AAGAB: variants seen among roughly 807,000 people sequenced by gnomAD.
The protein encoded by AAGAB is alpha- and gamma-adaptin-binding protein p34.
In AAGAB, 38 loss-of-function variants were observed where a neutral mutation model predicts 44.1. The ratio of observed to expected loss-of-function variants is 0.86; its 90% CI spans 0.67 to 1.13. The LOEUF (loss-of-function observed/expected upper bound fraction) is 1.13, where lower values mean the gene tolerates loss of function less well. AAGAB is among the 50% of genes most tolerant of loss of function. The pLI, the probability that AAGAB is intolerant of heterozygous loss-of-function variation, is 0.00. For synonymous variants in AAGAB, 131 were observed against 131.8 expected (o/e 0.99, Z 0.04); for missense variants, 450 against 373.8 (o/e 1.20, Z -1.68).
intron 7 of AAGAB, among the ~76,000 whole-genome samples, chr15:67,207,967 C>G (rs1404349920): frequency 1.3e-5 from 2 of 152,244 alleles, no homozygotes; most frequent in South Asian, 2.1e-4. Context: ...CCGTCTGTAG[C>G]ATAAAGATAA....
intron 5 of AAGAB, among the ~76,000 whole-genome samples, chr15:67,210,346 C>G (rs555957700): frequency 5.2e-4 from 79 of 152,152 alleles, no homozygotes; most frequent in African/African-American, 1.8e-3. Flanking sequence ...GAAGCCTTGT[C>G]TCTACTAAAA....
intron 8 of AAGAB, among the ~76,000 whole-genome samples, 183 bp from the exon 9 acceptor site, chr15:67,203,780 A>G (rs1048178818): frequency 2.0e-5 from 3 of 152,218 alleles, no homozygotes; most frequent in Non-Finnish European, 4.4e-5. Flanking sequence ...GTAAATTGGT[A>G]GGGATCTTAC....
intron 1 of AAGAB, among the ~76,000 whole-genome samples, chr15:67,251,351 C>T (rs1378159515): frequency 6.6e-6 from 1 of 152,120 alleles, no homozygotes; most frequent in Non-Finnish European, 1.5e-5. Context: ...TCAAGCAATC[C>T]TCCCACCTCA....
upstream of AAGAB, chr15:67,254,850 G>T (rs762543048): frequency 6.3e-7 from 1 of 1,593,578 alleles, no homozygotes; most frequent in Non-Finnish European, 8.6e-7. Context: ...AGGTTTCCGT[G>T]CTTGGAAACC....
chr15:67,201,776 C>G lies in AAGAB; in HGVS notation c.*1045G>C, dbSNP rs577225023. 6.6e-6 allele frequency: 1 copy of G among 152,388 alleles called. No homozygotes were observed. The highest frequency in any genetic ancestry group is 2.1e-4 in the South Asian group (1 of 4,830). 9.4% of individuals were successfully genotyped at this position (152,388 alleles called of 1,614,324 possible). On this transcript the variant is annotated 3_prime_UTR_variant, in exon 10 of 10. Coordinates refer to ENST00000261880, the MANE Select transcript of AAGAB (RefSeq NM_024666.5). The stretch of plus-strand genomic sequence containing the variant: ...CTGGGGCTGACCCACTCAAACAAGA[C>G]AAAGGATAAAGAACAAAAGATAGTC...
At chr15:67,241,645 C>G (rs955329165) in intron 1 of AAGAB, among the ~76,000 whole-genome samples, 1 of 152,072 alleles carries the variant, frequency 6.6e-6, no homozygotes, top group African/African-American at 2.4e-5. Flanking sequence ...CTCTCGGTGT[C>G]TCATTTCCTT....
At chr15:67,254,880 C>A (rs776575211), upstream of AAGAB, 5 of 1,612,780 alleles carry the variant, frequency 3.1e-6, no homozygotes, top group Non-Finnish European at 4.2e-6. Flanking sequence ...CGGAGGTAGC[C>A]GTTCCCTGAC....
chr15:67,224,783 G>T (rs1332169741), intron 5 of AAGAB, among the ~76,000 whole-genome samples: 1 of 151,998 alleles, frequency 6.6e-6, no homozygotes, highest in Non-Finnish European at 1.5e-5. Context: ...GTTTCACCAT[G>T]TTGGCCAGAC....
chr15:67,254,057 G>T (rs934812002), intron 1 of AAGAB, among the ~76,000 whole-genome samples: 1 of 152,196 alleles, frequency 6.6e-6, no homozygotes, highest in Non-Finnish European at 1.5e-5. Context: ...TGAAAGGCGT[G>T]AATAACTAGA....
intron 4 of AAGAB, among the ~76,000 whole-genome samples, chr15:67,235,531 G>A (rs997050104): frequency 1.3e-5 from 2 of 152,054 alleles, no homozygotes; most frequent in Non-Finnish European, 2.9e-5. Flanking sequence ...TTAAATTTGG[G>A]GTCTATCTTT....
chr15:67,233,671 G>A (rs1490933000), intron 4 of AAGAB, among the ~76,000 whole-genome samples: 1 of 152,102 alleles, frequency 6.6e-6, no homozygotes, highest in Non-Finnish European at 1.5e-5. Context: ...TTGATCAAGG[G>A]CAAATCACTT....
intron 1 of AAGAB, among the ~76,000 whole-genome samples, chr15:67,245,816 C>T (rs943295981): frequency 5.9e-5 from 9 of 152,158 alleles, no homozygotes; most frequent in Non-Finnish European, 1.3e-4. Context: ...GAATTCAGTA[C>T]TCAATCCACA....
chr15:67,225,138 C>T (rs539683390), intron 5 of AAGAB, among the ~76,000 whole-genome samples: 9 of 152,228 alleles, frequency 5.9e-5, no homozygotes, highest in African/African-American at 2.2e-4. Flanking sequence ...TAAAAGCTTC[C>T]CAGGTGACTA....
intron 1 of AAGAB, among the ~76,000 whole-genome samples, chr15:67,250,981 C>A (rs1247205453): frequency 2.0e-5 from 3 of 152,084 alleles, no homozygotes; most frequent in Non-Finnish European, 2.9e-5. Flanking sequence ...GAGCCGAGAT[C>A]GTGCCACTGC....
chr15:67,221,021 T>C (rs567665581), intron 5 of AAGAB: 1 of 152,358 alleles, frequency 6.6e-6, no homozygotes, highest in South Asian at 2.1e-4. Context: ...ATCAGGTCCA[T>C]ATCTGCCTTA....
In AAGAB at chr15:67,237,307, T is replaced by C. The variant is rs550821862; in HGVS notation, c.74-487A>G. Reference sequence around the variant, plus strand: ...ACATATATTTCTTGGACTGAATGCTTAGACATTAATTCAGCTAATGAAATA... The same window carrying C: ...ACATATATTTCTTGGACTGAATGCTCAGACATTAATTCAGCTAATGAAATA... On this transcript the variant is annotated intron_variant, in intron 1 of 9. Coordinates refer to ENST00000261880, the MANE Select transcript of AAGAB (RefSeq NM_024666.5). 2.6e-5 allele frequency among the ~76,000 whole-genome samples: 4 copies of C among 152,308 alleles called. No homozygotes were observed. The East Asian group carries it at 7.7e-4, about 29-fold the overall frequency.
intron 4 of AAGAB, among the ~76,000 whole-genome samples, chr15:67,235,078 G>A (rs775464016): frequency 6.6e-6 from 1 of 152,146 alleles, no homozygotes. Context: ...CCCCTGCCCA[G>A]AATGTCTTTT....
chr15:67,214,571 A>G (rs1232115012), intron 5 of AAGAB, among the ~76,000 whole-genome samples: 4 of 152,166 alleles, frequency 2.6e-5, no homozygotes, highest in African/African-American at 9.7e-5. Context: ...ATCACTTCCA[A>G]TTGAGAACCA....
chr15:67,243,165 T>TG (rs538395737), intron 1 of AAGAB, among the ~76,000 whole-genome samples: 35 of 148,836 alleles, frequency 2.4e-4, no homozygotes, highest in South Asian at 1.3e-3. Flanking sequence ...AGGGGGGTTG[T>TG]GGGGGGGTCT....
Sources: gnomAD v4.1 joint callset for allele counts (sites outside exome capture counted in the v4.1 genomes callset) on GRCh38, gnomAD v4.1.1 for gene constraint, MANE v1.5 for transcripts, NCBI Gene and HGNC (gene_info 2026-07-23, HGNC 2026-07-21) for gene names.